The following HYCC1 variants were observed in gnomAD, a reference collection of about 807,000 sequenced individuals.
The protein encoded by HYCC1 is hyccin PI4KA lipid kinase complex subunit 1.
the HYCC1 span, among the ~76,000 whole-genome samples, chr7:23,011,770 CCA>C: frequency 6.6e-6 from 1 of 152,166 alleles, no homozygotes; most frequent in African/African-American, 2.4e-5. Flanking sequence ...ATCTAAATTG[CCA>C]CAGTTTCTCA....
At chr7:22,978,312 C>T in the HYCC1 span, 2 of 1,614,048 alleles carry the variant, frequency 1.2e-6, no homozygotes, top group Non-Finnish European at 1.7e-6. Context: ...GCATCCACTG[C>T]TATGCACATT....
At chr7:22,924,416 G>T in the HYCC1 span, among the ~76,000 whole-genome samples, 1 of 152,172 alleles carries the variant, frequency 6.6e-6, no homozygotes, top group Non-Finnish European at 1.5e-5. Flanking sequence ...AAGGGGTCAG[G>T]GAATTCCCTT....
the HYCC1 span, among the ~76,000 whole-genome samples, chr7:22,995,948 G>A: frequency 2.0e-5 from 3 of 152,128 alleles, no homozygotes; most frequent in Admixed American, 6.5e-5. Flanking sequence ...ATGAGCCACC[G>A]TGCCTGGCCC....
the HYCC1 span, among the ~76,000 whole-genome samples, chr7:22,965,074 C>T: frequency 2.7e-5 from 4 of 149,368 alleles, no homozygotes; most frequent in Non-Finnish European, 5.9e-5. Flanking sequence ...GTGGAGGTTG[C>T]AGTAAGCCAA....
the HYCC1 span, among the ~76,000 whole-genome samples, chr7:22,928,826 GA>G: frequency 0.4 from 60,198 of 149,974 alleles, 12,129 homozygotes; most frequent in Middle Eastern, 0.43. Flanking sequence ...CACAGAACTG[GA>G]AAAAAAAAAC....
the HYCC1 span, chr7:22,940,243 T>G: frequency 7.4e-4 from 13 of 17,534 alleles, no homozygotes; most frequent in East Asian, 3.1e-3. Context: ...TCTGTTTTTT[T>G]TTTTTTTTTT....
chr7:22,912,321 C>T, the HYCC1 span, among the ~76,000 whole-genome samples: 1 of 152,154 alleles, frequency 6.6e-6, no homozygotes. Context: ...GTGGATACAA[C>T]CAGGAAGATG....
the HYCC1 span, chr7:22,978,204 C>T: frequency 4.3e-6 from 6 of 1,399,810 alleles, no homozygotes; most frequent in Non-Finnish European, 6.1e-6. Context: ...AAATGAAAAG[C>T]AGTTGCACAG....
chr7:22,977,497 T>C, the HYCC1 span: 4 of 868,084 alleles, frequency 4.6e-6, no homozygotes, highest in Non-Finnish European at 7.3e-6. Flanking sequence ...TTAAATAGTC[T>C]AAAACATTTT....
chr7:22,969,951 T>A, the HYCC1 span, among the ~76,000 whole-genome samples: 1 of 152,140 alleles, frequency 6.6e-6, no homozygotes, highest in Non-Finnish European at 1.5e-5. Context: ...GGTTTAGGAA[T>A]CAGGAAGGAA....
At chr7:22,966,678 TAA>T in the HYCC1 span, among the ~76,000 whole-genome samples, 2 of 152,200 alleles carry the variant, frequency 1.3e-5, no homozygotes, top group Non-Finnish European at 2.9e-5. Flanking sequence ...ACCTAGAACT[TAA>T]AGTTATTTCC....
the HYCC1 span, among the ~76,000 whole-genome samples, chr7:22,950,530 A>G: frequency 6.6e-6 from 1 of 152,134 alleles, no homozygotes; most frequent in East Asian, 1.9e-4. Flanking sequence ...AGAAGACATG[A>G]GAAGGGTAAG....
the HYCC1 span, among the ~76,000 whole-genome samples, chr7:22,905,386 ATTTTTTTTT>A: frequency 9.0e-5 from 4 of 44,464 alleles, no homozygotes; most frequent in East Asian, 8.2e-4. Context: ...CTAATTTTGT[ATTTTTTTTT>A]TTTTTTTTTT....
the HYCC1 span, among the ~76,000 whole-genome samples, chr7:22,955,420 C>G: frequency 1.3e-3 from 204 of 151,682 alleles, no homozygotes; most frequent in African/African-American, 4.7e-3. Context: ...CACAAAGGCA[C>G]AAGTGGGAAG....
the HYCC1 span, among the ~76,000 whole-genome samples, chr7:22,966,804 A>T: frequency 1.3e-5 from 2 of 152,208 alleles, no homozygotes; most frequent in African/African-American, 4.8e-5. Flanking sequence ...AAATCAACAT[A>T]AATGCATTTG....
At chr7:22,917,127 A>G in the HYCC1 span, among the ~76,000 whole-genome samples, 1 of 152,180 alleles carries the variant, frequency 6.6e-6, no homozygotes, top group Non-Finnish European at 1.5e-5. Context: ...AGCAGCTAGC[A>G]TTCCAACTTC....
the HYCC1 span, among the ~76,000 whole-genome samples, chr7:22,988,961 G>C: frequency 6.6e-6 from 1 of 151,958 alleles, no homozygotes; most frequent in Admixed American, 6.6e-5. Context: ...CACTTCCTAG[G>C]TGTCTATATA....
the HYCC1 span, among the ~76,000 whole-genome samples, chr7:23,007,702 A>G: frequency 6.6e-6 from 1 of 152,178 alleles, no homozygotes; most frequent in Non-Finnish European, 1.5e-5. Context: ...AATCTCATAT[A>G]GCAAATCAAA....
chr7:22,988,457 C>T, the HYCC1 span, among the ~76,000 whole-genome samples: 1 of 152,048 alleles, frequency 6.6e-6, no homozygotes, highest in African/African-American at 2.4e-5. Flanking sequence ...TAAAATATTA[C>T]TTAAATAATA....
Sources: allele counts gnomAD v4.1 joint callset (sites outside exome capture counted in the v4.1 genomes callset), GRCh38; gene constraint gnomAD v4.1.1; transcripts MANE v1.5; gene names NCBI Gene and HGNC (gene_info 2026-07-23, HGNC 2026-07-21).